Variants in TAAR5 observed in about 807,000 individuals in gnomAD.
TAAR5 encodes trace amine-associated receptor 5.
A neutral mutation model predicts 21.1 loss-of-function variants in TAAR5; 27 were observed. The ratio of observed to expected loss-of-function variants is 1.28; its 90% CI spans 0.94 to 1.76. The LOEUF is 1.76. TAAR5 is among the 40% of genes most tolerant of loss of function. TAAR5 has a pLI of 0.00. For synonymous variants in TAAR5, 203 were observed against 167.5 expected (o/e 1.21, Z -1.64); for missense variants, 495 against 405.6 (o/e 1.22, Z -1.89).
chr6:132,615,442 T>C, the TAAR5 span, among the ~76,000 whole-genome samples: 3 of 146,870 alleles, frequency 2.0e-5, no homozygotes, highest in African/African-American at 7.3e-5. Context: ...TTGAAAATCT[T>C]TATTTAAAAA....
the TAAR5 span, among the ~76,000 whole-genome samples, chr6:132,599,002 A>G: frequency 2.7e-4 from 41 of 152,306 alleles, no homozygotes; most frequent in African/African-American, 9.9e-4. Context: ...TGACTCATTT[A>G]TATCTTTTTC....
Position 132,589,003 on chromosome 6 carries a change from T to C in TAAR5, c.684A>G (p.Arg228=). 2.5e-6 allele frequency: 4 copies of C among 1,613,950 alleles called. No homozygotes were observed. Among genetic ancestry groups the C allele is most frequent in the East Asian group, 2.2e-5 (1 of 44,832 alleles). Residue 228 remains arginine, a synonymous_variant, in exon 1 of 1, where the codon AGA becomes AGG. Transcript: ENST00000258034. ...TCAATGTGGTAATCTGCTGAGCCTGTCTGGTAGCAACCACAAAGATCTTCA... is the reference window on the plus strand; with the variant it reads ...TCAATGTGGTAATCTGCTGAGCCTGCCTGGTAGCAACCACAAAGATCTTCA... The part of the protein sequence containing the change: ...LYVKIFVVAT[R]QAQQITTLSK...
the TAAR5 span, chr6:132,608,946 G>A: frequency 2.9e-5 from 13 of 455,940 alleles, no homozygotes; most frequent in African/African-American, 1.2e-4. Context: ...TGAGCATCAT[G>A]TCAAAGCTTG....
In TAAR5 at chr6:132,589,568, G is replaced by T. The variant is rs144579755; in HGVS notation, c.119C>A (p.Ala40Asp). 1.0e-3 allele frequency: 1,645 copies of T among 1,613,884 alleles called. 2 individuals carry two copies. The highest frequency in any genetic ancestry group is 1.2e-3 in the Non-Finnish European group (1,416 of 1,179,910). Residue 40 changes from alanine (A) to aspartate (D), a missense_variant, in exon 1 of 1, where the codon GCC becomes GAC. Coordinates refer to ENST00000258034, the MANE Select transcript of TAAR5 (RefSeq NM_003967.3). ...GATAATCAGCATGCCTGCTGCACAG[G>T]CCAGGTAGATGACCAACTGGATGCC... The part of the protein sequence containing the change: ...TLGIQLVIYL[A>D]CAAGMLIIVL...
chr6:132,608,615 T>C, the TAAR5 span: 1,422 of 455,936 alleles, frequency 3.1e-3, 5 homozygotes, highest in Non-Finnish European at 5.3e-3. Context: ...TTGGAAACGA[T>C]AAAGATTTTG....
the TAAR5 span, among the ~76,000 whole-genome samples, chr6:132,598,887 G>A: frequency 7.9e-5 from 12 of 152,100 alleles, no homozygotes; most frequent in African/African-American, 2.7e-4. Flanking sequence ...ATGGGAGAGA[G>A]GAAGGAGAAA....
chr6:132,608,617 A>C, the TAAR5 span: 1 of 455,984 alleles, frequency 2.2e-6, no homozygotes, highest in Non-Finnish European at 4.4e-6. Flanking sequence ...GGAAACGATA[A>C]AGATTTTGCC....
In TAAR5 at chr6:132,589,380, C is replaced by G; in HGVS notation, c.307G>C (p.Gly103Arg). 1 of 1,613,960 alleles carries G rather than the reference C, an allele frequency of 6.2e-7. No homozygotes were observed. Among genetic ancestry groups the G allele is most frequent in the Non-Finnish European group, 8.5e-7 (1 of 1,179,952 alleles). Residue 103 changes from glycine (G) to arginine (R), a missense_variant, in exon 1 of 1, where the codon GGG becomes CGG. By Grantham distance (125) the Gly-to-Arg change is moderately radical (BLOSUM62 -2). Coordinates refer to ENST00000258034, the MANE Select transcript of TAAR5 (RefSeq NM_003967.3). ...IRSVESCWFF[G>R]DFLCRLHTYL... ...GTGTGCAGGCGGCAGAGGAAGTCCCCGAAGAACCAGCAGCTCTCCACTGAG... is the reference window on the plus strand; with the variant it reads ...GTGTGCAGGCGGCAGAGGAAGTCCCGGAAGAACCAGCAGCTCTCCACTGAG...
chr6:132,591,328 G>A (rs1259239948), upstream of TAAR5, among the ~76,000 whole-genome samples: 1 of 152,164 alleles, frequency 6.6e-6, no homozygotes, highest in East Asian at 1.9e-4. Flanking sequence ...AACTAAAGTT[G>A]TAAAAATGAC....
upstream of TAAR5, among the ~76,000 whole-genome samples, chr6:132,592,512 G>C (rs1026840508): frequency 2.0e-5 from 3 of 152,200 alleles, no homozygotes; most frequent in African/African-American, 7.2e-5. Context: ...CTGTGTCCCC[G>C]TGTAAATCTC....
the TAAR5 span, chr6:132,609,378 G>A: frequency 5.7e-6 from 1 of 175,100 alleles, no homozygotes; most frequent in Non-Finnish European, 1.2e-5. Flanking sequence ...GTACAAGATT[G>A]TTCAAAGTTA....
At chr6:132,600,741 A>T in the TAAR5 span, among the ~76,000 whole-genome samples, 1 of 151,404 alleles carries the variant, frequency 6.6e-6, no homozygotes, top group African/African-American at 2.4e-5. Flanking sequence ...AAGTAAACAA[A>T]AAGAAAAAGA....
chr6:132,592,963 A>G (rs925427945), upstream of TAAR5, among the ~76,000 whole-genome samples: 4 of 152,306 alleles, frequency 2.6e-5, no homozygotes, highest in Non-Finnish European at 5.9e-5. Context: ...CCCAGGGGCA[A>G]CAGCTTACCA....
chr6:132,592,211 C>T (rs1369791017), upstream of TAAR5, among the ~76,000 whole-genome samples: 5 of 152,226 alleles, frequency 3.3e-5, no homozygotes, highest in African/African-American at 4.8e-5. Flanking sequence ...CTCCCCGCTG[C>T]ATCATGTGTA....
Position 132,589,122 on chromosome 6 carries a change from C to T in TAAR5, c.565G>A (p.Val189Met). ...LSQWLEEMPC[V>M]GSCQLLLNKF... Reference sequence around the variant, plus strand: ...TTGAGCAGCAGCTGGCAACTGCCCACACAAGGCATCTCTTCCAGCCACTGG... The same window carrying T: ...TTGAGCAGCAGCTGGCAACTGCCCATACAAGGCATCTCTTCCAGCCACTGG... Residue 189 changes from valine to methionine, a missense_variant, in exon 1 of 1, where the codon GTG becomes ATG. Coordinates refer to ENST00000258034, the MANE Select transcript of TAAR5 (RefSeq NM_003967.3). The T allele has an allele frequency of 1.2e-6, 2 of 1,612,936 alleles. No homozygotes were observed. Among genetic ancestry groups the T allele is most frequent in the Non-Finnish European group, 1.7e-6 (2 of 1,179,388 alleles).
chr6:132,599,941 A>G, the TAAR5 span, among the ~76,000 whole-genome samples: 1 of 152,224 alleles, frequency 6.6e-6, no homozygotes, highest in African/African-American at 2.4e-5. Flanking sequence ...TTAGTTTAAA[A>G]TACATTTGAA....
In TAAR5 at chr6:132,588,633, C is replaced by T; in HGVS notation, c.*40G>A. ...ACGGTCACAGTGCCACTTATCTTTCCTGTGAGGTCCTACTCCTTGCCTGCA... is the reference window on the plus strand; with the variant it reads ...ACGGTCACAGTGCCACTTATCTTTCTTGTGAGGTCCTACTCCTTGCCTGCA... On this transcript the variant is annotated 3_prime_UTR_variant, in exon 1 of 1. Coordinates refer to ENST00000258034, the MANE Select transcript of TAAR5 (RefSeq NM_003967.3). 6.4e-7 allele frequency: 1 copy of T among 1,569,314 alleles called. No individual in the cohort carries two copies. Among genetic ancestry groups the T allele is most frequent in the Non-Finnish European group, 8.7e-7 (1 of 1,155,040 alleles).
At chr6:132,609,256 G>A in the TAAR5 span, 16 of 333,920 alleles carry the variant, frequency 4.8e-5, no homozygotes, top group Non-Finnish European at 8.8e-5. Context: ...ATAGGTCTTC[G>A]GGAATATAAG....
chr6:132,603,939 T>G, the TAAR5 span, among the ~76,000 whole-genome samples: 2 of 151,764 alleles, frequency 1.3e-5, no homozygotes, highest in Non-Finnish European at 2.9e-5. Context: ...AGTTGCTAAA[T>G]GTATATACAG....
Sources: allele counts gnomAD v4.1 joint callset (sites outside exome capture counted in the v4.1 genomes callset), GRCh38; gene constraint gnomAD v4.1.1; transcripts MANE v1.5; gene names NCBI Gene and HGNC (gene_info 2026-07-23, HGNC 2026-07-21).